The following PRKACA variants were observed in gnomAD, a reference collection of about 807,000 sequenced individuals.
PRKACA encodes the protein protein kinase cAMP-activated catalytic subunit alpha.
A neutral mutation model predicts 45.8 loss-of-function variants in PRKACA; 9 were observed. That is an observed-to-expected ratio of 0.20 (90% CI 0.12 to 0.34). PRKACA has a LOEUF of 0.34. Ranked by LOEUF, PRKACA falls within the 10% of genes least tolerant of loss-of-function variation. The probability of loss-of-function intolerance (pLI) is 1.00; values close to 1 mark genes in which losing one functional copy is unlikely to be tolerated. For synonymous variants in PRKACA, 160 were observed against 178.6 expected (o/e 0.90, Z 0.83); for missense variants, 238 against 458.6 (o/e 0.52, Z 4.39).
At chr19:14,111,961 A>G (rs1182436431) in intron 1 of PRKACA, among the ~76,000 whole-genome samples, 2 of 151,868 alleles carry the variant, frequency 1.3e-5, no homozygotes, top group African/African-American at 4.8e-5. Context: ...TGAATCCTGC[A>G]CCTCCCCGAC....
intron 1 of PRKACA, among the ~76,000 whole-genome samples, chr19:14,111,324 G>A (rs1306212367): frequency 1.3e-5 from 2 of 152,122 alleles, no homozygotes; most frequent in African/African-American, 2.4e-5. Flanking sequence ...TTGAACCCGG[G>A]AGGCAGAGGT....
intron 8 of PRKACA, among the ~76,000 whole-genome samples, chr19:14,095,798 G>A (rs1404524144): frequency 6.6e-6 from 1 of 152,062 alleles, no homozygotes; most frequent in Non-Finnish European, 1.5e-5. Context: ...TTATAGGTGT[G>A]AGCCACCGCG....
chr19:14,108,122 A>G (rs1977667152), intron 1 of PRKACA: 1 of 985,396 alleles, frequency 1.0e-6, no homozygotes. Context: ...GCTTGAAAAC[A>G]GTCATTCTCG....
At chr19:14,115,164 T>G in intron 1 of PRKACA, 1 of 952,902 alleles carries the variant, frequency 1.0e-6, no homozygotes, top group Non-Finnish European at 1.2e-6. Context: ...CATAGTCCCA[T>G]TGGCAGAACA....
chr19:14,104,353 A>C (rs1461320468), intron 3 of PRKACA, among the ~76,000 whole-genome samples: 11 of 149,728 alleles, frequency 7.3e-5, no homozygotes, highest in African/African-American at 9.8e-5. Context: ...AAAAAAAAAA[A>C]AACAACAACC....
intron 1 of PRKACA, chr19:14,107,957 C>T (rs1467423095): frequency 5.1e-6 from 5 of 986,814 alleles, no homozygotes; most frequent in South Asian, 4.7e-5. Flanking sequence ...GCCCACTCCT[C>T]GGCCCCATGG....
In PRKACA at chr19:14,100,837, G is replaced by A. The variant is rs141320866; in HGVS notation, c.408C>T (p.Ile136=). ...GGTGGCCCGCTTACCTGAACCTTCC[G>A]ATCCGCCGTAGGTGTGAGAACATCT... ...GGEMFSHLRR[I]GRFSEPHARF... is the part of the protein sequence containing the mutation. Residue 136 remains isoleucine (I), a synonymous_variant, in exon 5 of 10, where the codon ATC becomes ATT. Coordinates refer to ENST00000308677, the MANE Select transcript of PRKACA (RefSeq NM_002730.4). 1.4e-5 allele frequency: 23 copies of A among 1,613,998 alleles called. No individual in the cohort carries two copies. The highest frequency in any genetic ancestry group is 1.1e-4 in the South Asian group (10 of 91,082).
chr19:14,107,774 C>T, intron 1 of PRKACA: 1 of 1,022,854 alleles, frequency 9.8e-7, no homozygotes, highest in Non-Finnish European at 1.2e-6. Context: ...TTGGCTGTTC[C>T]TCTGGCCCCT....
rs1248607003 is a variant in PRKACA, at chr19:14,092,323, T to G, written c.*789A>C. 5 of 265,914 alleles carry G rather than the reference T, an allele frequency of 1.9e-5. No homozygotes were observed. Among genetic ancestry groups the G allele is most frequent in the East Asian group, 6.3e-5 (1 of 15,956 alleles). The allele number at this position is 265,914 out of a possible 1,614,324, so 16.5% of individuals were successfully genotyped here. A position where few individuals can be genotyped will look rare whatever the true frequency, so the allele number is the denominator to read the frequency against. On this transcript the variant is annotated 3_prime_UTR_variant, in exon 10 of 10. Transcript: ENST00000308677. ...AGCCCAAGGGTGAAGACAGGTCTGT[T>G]GGGGAAAAAGAGAGCGGAGGCTTCC...
At chr19:14,105,596 T>TA (rs1239505490) in intron 3 of PRKACA, among the ~76,000 whole-genome samples, 2 of 152,122 alleles carry the variant, frequency 1.3e-5, no homozygotes, top group African/African-American at 4.8e-5. Context: ...CATTTTCTCT[T>TA]TTAATTACAA....
At chr19:14,095,167 TC>T (rs1477129022) in intron 8 of PRKACA, among the ~76,000 whole-genome samples, 9 of 151,866 alleles carry the variant, frequency 5.9e-5, no homozygotes, top group Non-Finnish European at 1.0e-4. Flanking sequence ...CATTTTTTTT[TC>T]TTTTTTTCTT....
chr19:14,098,984 T>C (rs1406215233), intron 5 of PRKACA, among the ~76,000 whole-genome samples: 2 of 152,054 alleles, frequency 1.3e-5, no homozygotes, highest in South Asian at 4.1e-4. Context: ...TCTATAGTTA[T>C]CTATCTAAAA....
intron 4 of PRKACA, 47 bp downstream of exon 4, chr19:14,102,769 T>G (rs1258143263): frequency 6.6e-7 from 1 of 1,514,040 alleles, no homozygotes; most frequent in Non-Finnish European, 9.2e-7. Context: ...GCCAGAAGGC[T>G]GGGACCCAAT....
At chr19:14,117,264 G>C (rs1033119916) in intron 1 of PRKACA, among the ~76,000 whole-genome samples, 5 of 151,898 alleles carry the variant, frequency 3.3e-5, no homozygotes, top group Non-Finnish European at 7.4e-5. Flanking sequence ...ATGGTTGGCA[G>C]TGACAGCTGG....
In PRKACA at chr19:14,092,664, G is replaced by T. The variant is rs926526298; in HGVS notation, c.*448C>A. ...GGATTACTCCGAAAGGAAGGTTGGC[G>T]CTTCGTTCATTTGCCCTTAGCAAGT... On this transcript the variant is annotated 3_prime_UTR_variant, in exon 10 of 10. Coordinates refer to ENST00000308677, the MANE Select transcript of PRKACA (RefSeq NM_002730.4). 2.5e-6 allele frequency: 1 copy of T among 399,276 alleles called. No individual in the cohort carries two copies. Among genetic ancestry groups the T allele is most frequent in the African/African-American group, 2.1e-5 (1 of 48,476 alleles). 24.7% of individuals were successfully genotyped at this position (399,276 alleles called of 1,614,324 possible). A position where few individuals can be genotyped will look rare whatever the true frequency, so the allele number is the denominator to read the frequency against.
rs1349877927 is a variant in PRKACA at position 14,097,228 on chromosome 19, G to A, written c.765+133C>T. On this transcript the variant is annotated intron_variant, in intron 8 of 9. Transcript: ENST00000308677. This position sits in a 1 kb window ranked among gnomAD's most constrained non-coding sequence, Gnocchi z 5.4. The stretch of plus-strand genomic sequence containing the variant: ...GGCCTCAGTGTGGCCGGCGCGTCCA[G>A]CTTCACCACCTGGCCTGACTTAAGG... 2 of 1,442,564 alleles carry A rather than the reference G, an allele frequency of 1.4e-6. No homozygotes were observed. Among genetic ancestry groups the A allele is most frequent in the Non-Finnish European group, 9.6e-7 (1 of 1,047,008 alleles). The allele number at this position is 1,442,564 out of a possible 1,614,324, so 89.4% of individuals were successfully genotyped here.
chr19:14,093,862 C>T (rs1977168344), intron 8 of PRKACA, 70 bp from the exon 9 acceptor site: 2 of 1,470,196 alleles, frequency 1.4e-6, no homozygotes, highest in Non-Finnish European at 1.8e-6. Flanking sequence ...ATGCTTCTTT[C>T]TCCATCCAAC....
intron 3 of PRKACA, 54 bp from the exon 4 acceptor site, chr19:14,102,968 A>G: frequency 7.4e-7 from 1 of 1,357,958 alleles, no homozygotes; most frequent in Non-Finnish European, 1.1e-6. Flanking sequence ...GAGGGGCCTC[A>G]TTTCCCCTAA....
At chr19:14,100,930 C>A in intron 4 of PRKACA, 22 bp from the exon 5 acceptor site, 1 of 1,608,378 alleles carries the variant, frequency 6.2e-7, no homozygotes, top group South Asian at 1.1e-5. Context: ...AGTGGCTGGT[C>A]AAGGGCCCAC....
Sources: gnomAD v4.1 joint callset for allele counts (sites outside exome capture counted in the v4.1 genomes callset) on GRCh38, gnomAD v4.1.1 for gene constraint, Gnocchi (gnomAD v3.1) non-coding constraint, MANE v1.5 for transcripts, NCBI Gene and HGNC (gene_info 2026-07-23, HGNC 2026-07-21) for gene names.